MCU: variants seen among roughly 807,000 people sequenced by gnomAD.
MCU encodes calcium uniporter protein, mitochondrial.
In MCU, 12 loss-of-function variants were observed where a neutral mutation model predicts 45.2. The observed-to-expected ratio is 0.27, with a 90% CI of 0.17 to 0.43. The LOEUF is 0.43. MCU is among the 20% of genes least tolerant of loss of function. MCU has a pLI of 1.00. For missense variants in MCU, 324 were observed against 436.7 expected (o/e 0.74, Z 2.30); for synonymous variants, 160 against 165.1 (o/e 0.97, Z 0.24).
rs755773326 is a variant in MCU, at chr10:72,871,474, G to A, written c.755G>A (p.Arg252Gln). Reference protein sequence around the residue: ...YMATQFGILARLTWWEYSWDI... With the variant: ...YMATQFGILAQLTWWEYSWDI... ...GCCACACAGTTTGGCATTTTGGCCC[G>A]GCTTACCTGGTGGGAATATTCCTGG... The change falls in exon 6 of 8, where the codon CGG becomes CAG. Residue 252 changes from arginine (R) to glutamine (Q), a missense_variant. By Grantham distance (43) the Arg-to-Gln change is conservative. Coordinates refer to ENST00000373053, the MANE Select transcript of MCU (RefSeq NM_138357.3). 2.2e-5 allele frequency: 35 copies of A among 1,614,050 alleles called. No individual in the cohort carries two copies. Among genetic ancestry groups the A allele is most frequent in the East Asian group, 1.1e-4 (5 of 44,898 alleles).
intron 1 of MCU, among the ~76,000 whole-genome samples, chr10:72,819,796 A>C (rs544202546): frequency 7.2e-6 from 1 of 139,370 alleles, no homozygotes; most frequent in African/African-American, 2.7e-5. Context: ...TAAAAAGTTC[A>C]TAATGTGCCT....
At chr10:72,712,231 GT>G (rs1195189215) in intron 1 of MCU, 1 of 152,150 alleles carries the variant, frequency 6.6e-6, no homozygotes, top group Non-Finnish European at 1.5e-5. Flanking sequence ...TAGGAATGCT[GT>G]TTTGACTTTC....
chr10:72,749,942 CT>C (rs761722638), intron 1 of MCU, among the ~76,000 whole-genome samples: 252 of 139,164 alleles, frequency 1.8e-3, no homozygotes, highest in East Asian at 8.1e-3. Context: ...AATTTTTGTA[CT>C]TTTTTTTTTT....
intron 1 of MCU, among the ~76,000 whole-genome samples, chr10:72,809,183 C>A (rs1196502976): frequency 6.6e-6 from 1 of 152,216 alleles, no homozygotes; most frequent in African/African-American, 2.4e-5. Context: ...GGCACGTGCT[C>A]ACTGTGCTTA....
intron 1 of MCU, among the ~76,000 whole-genome samples, chr10:72,834,010 GT>G (rs1256105647): frequency 6.6e-6 from 1 of 152,136 alleles, no homozygotes; most frequent in Non-Finnish European, 1.5e-5. Context: ...AAGCCAGAAA[GT>G]TTACTTGAGG....
intron 1 of MCU, among the ~76,000 whole-genome samples, chr10:72,717,071 C>A (rs1006534576): frequency 5.3e-5 from 8 of 151,514 alleles, no homozygotes; most frequent in African/African-American, 1.9e-4. Flanking sequence ...TTAGGCGATG[C>A]TTGTTTTCCC....
Position 72,884,364 on chromosome 10 carries a change from C to G in MCU, c.960C>G (p.Leu320=). The G allele has an allele frequency of 6.2e-7, 1 of 1,603,468 alleles. No individual in the cohort carries two copies. The highest frequency in any genetic ancestry group is 8.5e-7 in the Non-Finnish European group (1 of 1,170,698). Residue 320 remains leucine (L), a synonymous_variant, in exon 7 of 8, where the codon CTC becomes CTG. Transcript: ENST00000373053. ...TTGACCTAGAGAAATACAATCAACT[C>G]AAGGATGCAATTGCTCAGGTAAGTT... ...SRFDLEKYNQ[L]KDAIAQAEMD... is the part of the protein sequence containing the mutation.
At position 72,714,790 on chromosome 10, in the gene MCU, C is replaced by T. The variant is rs191254552; in HGVS notation, c.150+22489C>T. ...AATTCCCAACTTCAGGTGATCTGCC[C>T]CCCCCTTGGCCTCCCAAAGTGCTGG... On this transcript the variant is annotated intron_variant, in intron 1 of 7. Coordinates refer to ENST00000373053, the MANE Select transcript of MCU (RefSeq NM_138357.3). 2.0e-3 allele frequency among the ~76,000 whole-genome samples: 305 copies of T among 152,248 alleles called. 7 individuals are homozygous for T. The East Asian group carries it at 0.049, about 25-fold the overall frequency.
At chr10:72,818,039 T>C (rs1312680352) in intron 1 of MCU, among the ~76,000 whole-genome samples, 1 of 152,202 alleles carries the variant, frequency 6.6e-6, no homozygotes, top group African/African-American at 2.4e-5. Context: ...ATAAGCAAAA[T>C]TGACAATGTT....
chr10:72,863,350 G>A (rs1845407822), intron 4 of MCU, among the ~76,000 whole-genome samples: 1 of 152,186 alleles, frequency 6.6e-6, no homozygotes, highest in African/African-American at 2.4e-5. Context: ...TCTATATTGA[G>A]TGAATTAAAT....
intron 1 of MCU, among the ~76,000 whole-genome samples, chr10:72,717,408 G>A (rs1034410156): frequency 1.7e-4 from 26 of 151,956 alleles, no homozygotes; most frequent in Admixed American, 1.4e-3. Flanking sequence ...ATAGGCGCCC[G>A]CCACCACGCC....
intron 1 of MCU, among the ~76,000 whole-genome samples, chr10:72,743,948 C>CA (rs1843372934): frequency 6.6e-6 from 1 of 151,918 alleles, no homozygotes; most frequent in Non-Finnish European, 1.5e-5. Flanking sequence ...TCCAGAAATC[C>CA]AGCCATTTGT....
intron 1 of MCU, among the ~76,000 whole-genome samples, chr10:72,716,933 G>C (rs897026754): frequency 2.0e-5 from 3 of 152,102 alleles, no homozygotes; most frequent in African/African-American, 7.2e-5. Context: ...ATACCAGTCA[G>C]GGTAATGGAA....
intron 1 of MCU, among the ~76,000 whole-genome samples, chr10:72,710,615 A>G (rs1374823281): frequency 7.0e-6 from 1 of 141,904 alleles, no homozygotes; most frequent in African/African-American, 2.7e-5. Context: ...CATTATGTTC[A>G]ATCAGACATA....
chr10:72,797,944 G>T (rs7906357), intron 1 of MCU, among the ~76,000 whole-genome samples: 31 of 152,056 alleles, frequency 2.0e-4, no homozygotes, highest in African/African-American at 7.2e-4. Flanking sequence ...CTCTTAGGGG[G>T]CAGTTTAGAT....
At chr10:72,819,647 T>C (rs969204769) in intron 1 of MCU, among the ~76,000 whole-genome samples, 5 of 152,012 alleles carry the variant, frequency 3.3e-5, no homozygotes, top group Non-Finnish European at 7.4e-5. Flanking sequence ...TTTTCAAATC[T>C]ATGTAGAAGT....
At chr10:72,800,953 C>G (rs1342518047) in intron 1 of MCU, among the ~76,000 whole-genome samples, 1 of 151,956 alleles carries the variant, frequency 6.6e-6, no homozygotes, top group Non-Finnish European at 1.5e-5. Flanking sequence ...TTAAAAAATT[C>G]GCTGGGCATG....
At chr10:72,850,748 T>C (rs1312392084) in intron 2 of MCU, among the ~76,000 whole-genome samples, 1 of 152,248 alleles carries the variant, frequency 6.6e-6, no homozygotes, top group Admixed American at 6.5e-5. Flanking sequence ...TAAGTATTCA[T>C]GTTGAATGCT....
At chr10:72,715,262 C>A in intron 1 of MCU, 1 of 750,232 alleles carries the variant, frequency 1.3e-6, no homozygotes, top group Non-Finnish European at 1.6e-6. Flanking sequence ...ATGGTTTTTG[C>A]TTACTTTGCA....
Sources: allele counts gnomAD v4.1 joint callset (sites outside exome capture counted in the v4.1 genomes callset), GRCh38; gene constraint gnomAD v4.1.1; transcripts MANE v1.5; gene names NCBI Gene and HGNC (gene_info 2026-07-23, HGNC 2026-07-21).